The following RBFOX3 variants were observed in gnomAD, a reference collection of about 807,000 sequenced individuals.
RBFOX3 encodes RNA binding protein fox-1 homolog 3.
RBFOX3 carries 17 observed loss-of-function variants against 48.7 expected under a neutral mutation model. That is an observed-to-expected ratio of 0.35 (90% CI 0.24 to 0.52). The LOEUF (loss-of-function observed/expected upper bound fraction) is 0.52. Ranked by LOEUF, RBFOX3 falls within the 20% of genes least tolerant of loss-of-function variation. The pLI is 0.94. For missense variants in RBFOX3, 382 were observed against 497.5 expected, an observed-to-expected ratio of 0.77 and a Z score of 2.21; for synonymous variants, 212 against 209.5, an observed-to-expected ratio of 1.01 and a Z score of -0.10.
chr17:79,185,634 G>A (rs1284679573), intron 4 of RBFOX3, among the ~76,000 whole-genome samples: 2 of 152,260 alleles, frequency 1.3e-5, no homozygotes, highest in South Asian at 2.1e-4. Context: ...GCATTCAGCC[G>A]AAACCCAGGC....
At chr17:79,172,046 C>T (rs1264472362) in intron 4 of RBFOX3, among the ~76,000 whole-genome samples, 1 of 151,772 alleles carries the variant, frequency 6.6e-6, no homozygotes, top group Non-Finnish European at 1.5e-5. Flanking sequence ...TGGTGGTGCA[C>T]GCCTGTAATC....
At chr17:79,382,018 C>T (rs560865891) in intron 2 of RBFOX3, among the ~76,000 whole-genome samples, 13 of 152,318 alleles carry the variant, frequency 8.5e-5, no homozygotes, top group Admixed American at 2.6e-4. Context: ...CAACAGCAGC[C>T]GCCAACAGAG....
intron 1 of RBFOX3, among the ~76,000 whole-genome samples, chr17:79,593,115 G>C (rs1445974261): frequency 1.3e-5 from 2 of 152,132 alleles, no homozygotes; most frequent in East Asian, 1.9e-4. Flanking sequence ...GAGGGGTGCA[G>C]GTGCAGAAGA....
chr17:79,302,848 G>A (rs1306056097), intron 3 of RBFOX3, among the ~76,000 whole-genome samples: 1 of 152,170 alleles, frequency 6.6e-6, no homozygotes, highest in South Asian at 2.1e-4. Flanking sequence ...ACTTTGGAGT[G>A]ATGGAAATGT....
intron 1 of RBFOX3, among the ~76,000 whole-genome samples, chr17:79,567,974 G>C (rs2092530422): frequency 1.3e-5 from 2 of 152,196 alleles, no homozygotes; most frequent in South Asian, 4.1e-4. Context: ...CCAAATCAAT[G>C]ATGTAAAGTC....
intron 1 of RBFOX3, among the ~76,000 whole-genome samples, chr17:79,563,819 A>T (rs1320083466): frequency 4.6e-5 from 7 of 152,166 alleles, no homozygotes; most frequent in Non-Finnish European, 1.0e-4. Flanking sequence ...TTCTCCACCC[A>T]CAGAGCTGGC....
chr17:79,243,163 C>T lies in RBFOX3; in HGVS notation c.-73-7358G>A, dbSNP rs1332347782. ...GCTTGGGGAAGTGAAGCAGATTGCC[C>T]TAAATGCCACAGCTGGTAGCGGTTG... On this transcript the variant is annotated intron_variant, in intron 3 of 14. Transcript: ENST00000693108. The surrounding 1 kb of genome is among the most constrained non-coding windows in gnomAD (Gnocchi z 7.9). Among the ~76,000 whole-genome samples the T allele has an allele frequency of 6.7e-6, 1 of 150,238 alleles. No individual in the cohort carries two copies. The highest frequency in any genetic ancestry group is 1.5e-5 in the Non-Finnish European group (1 of 67,700).
intron 4 of RBFOX3, among the ~76,000 whole-genome samples, chr17:79,119,095 C>T (rs1028709881): frequency 6.6e-6 from 1 of 152,160 alleles, no homozygotes; most frequent in African/African-American, 2.4e-5. Context: ...TGTCATTCAA[C>T]TTGGGGCTGA....
chr17:79,395,606 C>G (rs879354503), intron 2 of RBFOX3, among the ~76,000 whole-genome samples: 1 of 152,214 alleles, frequency 6.6e-6, no homozygotes, highest in Admixed American at 6.5e-5. Context: ...GCCCGCCTGG[C>G]AGTTAGTGTG....
intron 3 of RBFOX3, among the ~76,000 whole-genome samples, chr17:79,290,794 C>A (rs1487716000): frequency 2.0e-5 from 3 of 152,184 alleles, no homozygotes; most frequent in Non-Finnish European, 4.4e-5. Flanking sequence ...TGACTGGTGG[C>A]TGGAGAGGCT....
intron 4 of RBFOX3, among the ~76,000 whole-genome samples, chr17:79,221,978 A>G (rs1401251233): frequency 6.6e-6 from 1 of 152,046 alleles, no homozygotes; most frequent in South Asian, 2.1e-4. Context: ...CTAGAATGAG[A>G]CTGCCCAAAA....
chr17:79,465,764 C>T (rs1312779879), intron 2 of RBFOX3, among the ~76,000 whole-genome samples: 2 of 152,232 alleles, frequency 1.3e-5, no homozygotes, highest in Non-Finnish European at 2.9e-5. Context: ...GGCAGGTAGC[C>T]ATGCTTCAGC....
At chr17:79,159,892 C>T (rs868838963) in intron 4 of RBFOX3, among the ~76,000 whole-genome samples, 1 of 152,232 alleles carries the variant, frequency 6.6e-6, no homozygotes, top group Non-Finnish European at 1.5e-5. Context: ...GGCTCAGAGG[C>T]TTCAGCGAGG....
At chr17:79,375,673 T>G (rs9912256) in intron 2 of RBFOX3, among the ~76,000 whole-genome samples, 63,517 of 151,646 alleles carry the variant, frequency 0.42, 13,796 homozygotes, top group Non-Finnish European at 0.47. Flanking sequence ...GGGGATGGAG[T>G]TGCCCCCTTG....
chr17:79,138,305 CTG>C (rs573291191), intron 4 of RBFOX3, among the ~76,000 whole-genome samples: 6 of 152,164 alleles, frequency 3.9e-5, no homozygotes, highest in Non-Finnish European at 8.8e-5. Flanking sequence ...CACTCGCACA[CTG>C]TGTGGACTCA....
At chr17:79,296,233 A>G (rs1228333256) in intron 3 of RBFOX3, among the ~76,000 whole-genome samples, 1 of 152,164 alleles carries the variant, frequency 6.6e-6, no homozygotes, top group East Asian at 1.9e-4. Context: ...ATGGCCTGCC[A>G]TCAGCAAAAA....
At chr17:79,411,133 C>T (rs1409976260) in intron 2 of RBFOX3, among the ~76,000 whole-genome samples, 2 of 152,210 alleles carry the variant, frequency 1.3e-5, no homozygotes, top group South Asian at 4.1e-4. Context: ...CGGCACCAGG[C>T]GCTGTGCCGA....
chr17:79,421,346 G>T lies in RBFOX3; in HGVS notation c.-175+61108C>A, dbSNP rs1555722233. Among the ~76,000 whole-genome samples, 4 of 152,312 alleles carry T rather than the reference G, an allele frequency of 2.6e-5. No individual in the cohort carries two copies. The South Asian group carries it at 6.2e-4, about 24-fold the overall frequency. ...GGTTCTGGAAGCCTCTACGCTTGAG[G>T]CTGGTGTCAGAAGTGGGGCTGCTTG... On this transcript the variant is annotated intron_variant, in intron 2 of 14. Transcript: ENST00000693108. The surrounding 1 kb of genome is among the most constrained non-coding windows in gnomAD (Gnocchi z 4.5).
intron 5 of RBFOX3, among the ~76,000 whole-genome samples, chr17:79,110,565 G>A (rs920647862): frequency 7.9e-5 from 12 of 152,318 alleles, no homozygotes; most frequent in South Asian, 2.1e-4. Context: ...GTCTCCCTTC[G>A]TTCCTCCAAA....
Sources: gnomAD v4.1 joint callset for allele counts (sites outside exome capture counted in the v4.1 genomes callset) on GRCh38, gnomAD v4.1.1 for gene constraint, Gnocchi (gnomAD v3.1) non-coding constraint, MANE v1.5 for transcripts, NCBI Gene and HGNC (gene_info 2026-07-23, HGNC 2026-07-21) for gene names.